SNX31: variants seen among roughly 807,000 people sequenced by gnomAD.
SNX31 encodes sorting nexin 31.
SNX31 carries 58 observed loss-of-function variants against 65.4 expected under a neutral mutation model. The observed-to-expected ratio is 0.89, with a 90% CI of 0.72 to 1.10. The LOEUF is 1.10. Ranked by LOEUF, SNX31 falls within the 50% of genes least tolerant of loss-of-function variation. The pLI is 0.00. For synonymous variants in SNX31, 181 were observed against 190.1 expected, an observed-to-expected ratio of 0.95 and a Z score of 0.39; for missense variants, 523 against 529.7, an observed-to-expected ratio of 0.99 and a Z score of 0.12.
chr8:100,582,202 A>T (rs1228109474), intron 12 of SNX31: 2 of 152,214 alleles, frequency 1.3e-5, no homozygotes, highest in Non-Finnish European at 2.9e-5. Flanking sequence ...GAAAACTTTA[A>T]ATAGATTACT....
intron 3 of SNX31, among the ~76,000 whole-genome samples, chr8:100,632,444 T>A (rs1818475690): frequency 6.6e-6 from 1 of 152,112 alleles, no homozygotes; most frequent in Non-Finnish European, 1.5e-5. Context: ...CTTCTAGAAT[T>A]TTTACTTACT....
At position 100,575,248 on chromosome 8, in the gene SNX31, C is replaced by G. The variant is rs773959911; in HGVS notation, c.1228-1288G>C. Among the ~76,000 whole-genome samples, 4 of 152,172 alleles carry G rather than the reference C, an allele frequency of 2.6e-5. No homozygotes were observed. Among genetic ancestry groups the G allele is most frequent in the Non-Finnish European group, 4.4e-5 (3 of 68,034 alleles). ...GCTCTGATATTAACTGACTGTGTGA[C>G]CTTGAGCAAGTGACTTAACCTTTCT... On this transcript the variant is annotated intron_variant, in intron 13 of 13. Coordinates refer to ENST00000311812, the MANE Select transcript of SNX31 (RefSeq NM_152628.4). This position sits in a 1 kb window ranked among gnomAD's most constrained non-coding sequence, Gnocchi z 5.1.
At chr8:100,657,303 T>A (rs1321678174) in intron 1 of SNX31, among the ~76,000 whole-genome samples, 3 of 151,570 alleles carry the variant, frequency 2.0e-5, no homozygotes, top group Non-Finnish European at 1.5e-5. Flanking sequence ...AAATACAAAA[T>A]TAGCCAGGTA....
chr8:100,662,692 G>A (rs547975623), intron 1 of SNX31, among the ~76,000 whole-genome samples: 110 of 152,142 alleles, frequency 7.2e-4, no homozygotes, highest in Admixed American at 4.8e-3. Context: ...GCAAGACTCC[G>A]TCTCAAAAAA....
chr8:100,610,784 G>A lies in SNX31; in HGVS notation c.611+1216C>T, dbSNP rs1816644103. Among the ~76,000 whole-genome samples the A allele has an allele frequency of 1.3e-5, 2 of 152,218 alleles. No homozygotes were observed. The highest frequency in any genetic ancestry group is 1.3e-4 in the Admixed American group (2 of 15,280). The stretch of plus-strand genomic sequence containing the variant: ...ACAGCAGTATATGAACTGCCTTGCT[G>A]GGAATATCCTTCCACAATTCAAAGC... On this transcript the variant is annotated intron_variant, in intron 7 of 13. Coordinates refer to ENST00000311812, the MANE Select transcript of SNX31 (RefSeq NM_152628.4). The surrounding 1 kb of genome is among the most constrained non-coding windows in gnomAD (Gnocchi z 4.0).
At position 100,630,261 on chromosome 8, in the gene SNX31, C is replaced by A. The variant is rs894598997; in HGVS notation, c.321+66G>T. 1.3e-6 allele frequency: 2 copies of A among 1,482,142 alleles called. No homozygotes were observed. The highest frequency in any genetic ancestry group is 1.7e-5 in the Admixed American group (1 of 58,958). 91.8% of individuals were successfully genotyped at this position (1,482,142 alleles called of 1,614,324 possible). On this transcript the variant is annotated intron_variant, in intron 4 of 13. Transcript: ENST00000311812. The surrounding 1 kb of genome is among the most constrained non-coding windows in gnomAD (Gnocchi z 5.3). ...CAGTGCACACATGTGTGTGTACCTGCACACTTGGTTCATGAAGAGTGTCCT... is the reference window on the plus strand; with the variant it reads ...CAGTGCACACATGTGTGTGTACCTGAACACTTGGTTCATGAAGAGTGTCCT...
At chr8:100,584,015 G>T in intron 12 of SNX31, 96 bp downstream of exon 12, 2 of 1,091,240 alleles carry the variant, frequency 1.8e-6, no homozygotes, top group Non-Finnish European at 2.7e-6. Context: ...GACTAGACCT[G>T]CTGGCTCAGG....
At chr8:100,605,353 T>C (rs1586919876) in intron 8 of SNX31, among the ~76,000 whole-genome samples, 1 of 152,154 alleles carries the variant, frequency 6.6e-6, no homozygotes, top group Admixed American at 6.5e-5. Context: ...AAAGAGGCAG[T>C]GATTGTGGTC....
At chr8:100,640,898 A>G (rs1448321347) in intron 2 of SNX31, among the ~76,000 whole-genome samples, 1 of 152,208 alleles carries the variant, frequency 6.6e-6, no homozygotes, top group Non-Finnish European at 1.5e-5. Flanking sequence ...TGGAAGAGAA[A>G]TAGGACATTA....
At chr8:100,663,038 T>C (rs186231737) in intron 1 of SNX31, 22 of 152,288 alleles carry the variant, frequency 1.4e-4, no homozygotes, top group African/African-American at 4.6e-4. Flanking sequence ...AACTACCACA[T>C]GTTCTCACTT....
rs1816770650 is a variant in SNX31 at position 100,612,172 on chromosome 8, CTTA to C, written c.524-88_524-86del. Reference sequence around the variant, plus strand: ...CAGCTTTCAAATGAGAAAATAAAACCTTATTATTGGAAATAATAAAATCACAGT... The same window carrying C: ...CAGCTTTCAAATGAGAAAATAAAACCTTATTGGAAATAATAAAATCACAGT... On this transcript the variant is annotated intron_variant, in intron 6 of 13. Transcript: ENST00000311812. This position sits in a 1 kb window ranked among gnomAD's most constrained non-coding sequence, Gnocchi z 4.3. The C allele has an allele frequency of 2.5e-6, 2 of 796,064 alleles. No homozygotes were observed. Among genetic ancestry groups the C allele is most frequent in the East Asian group, 5.1e-5 (2 of 39,510 alleles). The allele number at this position is 796,064 out of a possible 1,614,324, so 49.3% of individuals were successfully genotyped here.
At chr8:100,600,466 T>C in intron 8 of SNX31, 25 bp from the exon 9 acceptor site, 1 of 1,566,590 alleles carries the variant, frequency 6.4e-7, no homozygotes, top group Non-Finnish European at 8.7e-7. Context: ...AGTTGTAAAA[T>C]TAGCAGTCTT....
chr8:100,597,451 A>C (rs1815217480), intron 9 of SNX31, among the ~76,000 whole-genome samples: 1 of 152,322 alleles, frequency 6.6e-6, no homozygotes, highest in African/African-American at 2.4e-5. Flanking sequence ...CATGTTGGCC[A>C]GGATGGTCTT....
upstream of SNX31, among the ~76,000 whole-genome samples, chr8:100,652,235 C>T (rs145737958): frequency 0.02 from 3,022 of 152,346 alleles, 61 homozygotes; most frequent in Non-Finnish European, 0.028. Context: ...GCCTCGGCCT[C>T]CCAAAGTCGT....
intron 1 of SNX31, 27 bp from the exon 2 acceptor site, chr8:100,649,375 T>G (rs7016136): frequency 0.42 from 682,949 of 1,611,584 alleles, 147,140 homozygotes; most frequent in Admixed American, 0.55. Flanking sequence ...ACCCCGTCCC[T>G]GGTGAGCCGA....
chr8:100,600,372 G>T lies in SNX31; in HGVS notation c.751C>A (p.Gln251Lys), dbSNP rs1242121238. Residue 251 changes from glutamine (Q) to lysine (K), a missense_variant, in exon 9 of 14, where the codon CAG becomes AAG. Physicochemically the swap from Gln to Lys is moderately conservative, Grantham distance 53. Transcript: ENST00000311812. ...QAQRQKLEAF[Q>K]KEDSQTKFLE... ...ACCTTTGTTTGACTGTCTTCTTTCT[G>T]GAAAGCTTCTAATTTCTGCCTCTGT... 1 of 1,613,596 alleles carries T rather than the reference G, an allele frequency of 6.2e-7. No individual in the cohort carries two copies. Among genetic ancestry groups the T allele is most frequent in the Admixed American group, 1.7e-5 (1 of 59,956 alleles).
chr8:100,575,633 G>A lies in SNX31; in HGVS notation c.1227+1386C>T, dbSNP rs571533767. On this transcript the variant is annotated intron_variant, in intron 13 of 13. Transcript: ENST00000311812. The surrounding 1 kb of genome is among the most constrained non-coding windows in gnomAD (Gnocchi z 5.1). ...GTGGGCGTGTTAAAGAGATTGCTGC[G>A]GCCTTCCCCCAGAGCTGCTGATCCA... Among the ~76,000 whole-genome samples the A allele has an allele frequency of 1.4e-4, 21 of 152,210 alleles. No individual in the cohort carries two copies. The highest frequency in any genetic ancestry group is 1.9e-4 in the East Asian group (1 of 5,186).
At chr8:100,581,307 T>A (rs1404548754) in intron 12 of SNX31, among the ~76,000 whole-genome samples, 1 of 127,928 alleles carries the variant, frequency 7.8e-6, no homozygotes, top group South Asian at 2.2e-4. Flanking sequence ...TTTAAAAAAA[T>A]TTTTTATATA....
Position 100,573,429 on chromosome 8 carries a change from T to C in SNX31, c.*436A>G, listed in dbSNP as rs1812785576. ...CTCCTCCGTTGAAGAGTCACATCTT[T>C]AGAAATCGATCCAAAATATCTTTAT... is the stretch of plus-strand genomic sequence containing the variant. On this transcript the variant is annotated 3_prime_UTR_variant, in exon 14 of 14. Coordinates refer to ENST00000311812, the MANE Select transcript of SNX31 (RefSeq NM_152628.4). The C allele has an allele frequency of 6.6e-6, 1 of 152,388 alleles. No homozygotes were observed. Among genetic ancestry groups the C allele is most frequent in the Non-Finnish European group, 1.5e-5 (1 of 68,194 alleles). 9.4% of individuals were successfully genotyped at this position (152,388 alleles called of 1,614,324 possible).
Sources: gnomAD v4.1 joint callset for allele counts (sites outside exome capture counted in the v4.1 genomes callset) on GRCh38, gnomAD v4.1.1 for gene constraint, Gnocchi (gnomAD v3.1) non-coding constraint, MANE v1.5 for transcripts, NCBI Gene and HGNC (gene_info 2026-07-23, HGNC 2026-07-21) for gene names.